The following LDLRAD4 variants were observed in gnomAD, a reference collection of about 807,000 sequenced individuals.
LDLRAD4 encodes low-density lipoprotein receptor class A domain-containing protein 4.
In LDLRAD4, 5 loss-of-function variants were observed where a neutral mutation model predicts 17.0. That is an observed-to-expected ratio of 0.29 (90% CI 0.15 to 0.62). The LOEUF (loss-of-function observed/expected upper bound fraction) is 0.62. LDLRAD4 is among the 20% of genes least tolerant of loss of function. The pLI is 0.84. For synonymous variants in LDLRAD4, 168 were observed against 171.8 expected (o/e 0.98, Z 0.17); for missense variants, 340 against 424.7 (o/e 0.80, Z 1.75).
At chr18:13,264,858 G>A (rs1197182347) in intron 1 of LDLRAD4, among the ~76,000 whole-genome samples, 4 of 152,234 alleles carry the variant, frequency 2.6e-5, no homozygotes, top group South Asian at 4.1e-4. Flanking sequence ...AGCGTTTCAA[G>A]TACAGTCTTC....
At chr18:13,580,395 C>T (rs1177602991) in intron 3 of LDLRAD4, among the ~76,000 whole-genome samples, 3 of 152,244 alleles carry the variant, frequency 2.0e-5, no homozygotes, top group African/African-American at 7.2e-5. Context: ...ACTCCCTGGG[C>T]TCTCTGTGCC....
chr18:13,518,159 C>T lies in LDLRAD4; in HGVS notation c.181+79775C>T, dbSNP rs192356862. ...TCAAGATCTCCTCAAACATTGCCTC[C>T]GTCTTGGTCTCATTATCCTCCTCTT... On this transcript the variant is annotated intron_variant, in intron 3 of 5. Transcript: ENST00000359446. Among the ~76,000 whole-genome samples, 181 of 152,262 alleles carry T rather than the reference C, an allele frequency of 1.2e-3. 1 individual carries two copies. The highest frequency in any genetic ancestry group is 4.2e-3 in the African/African-American group (174 of 41,558).
intron 3 of LDLRAD4, chr18:13,515,562 G>A (rs1349366740): frequency 6.6e-6 from 1 of 152,204 alleles, no homozygotes; most frequent in Non-Finnish European, 1.5e-5. Flanking sequence ...CTGGTGAAAG[G>A]TTCCTGCTGT....
At chr18:13,515,528 A>C (rs946068468) in intron 3 of LDLRAD4, 12 of 152,248 alleles carry the variant, frequency 7.9e-5, no homozygotes, top group African/African-American at 2.9e-4. Context: ...CATGTAATGC[A>C]AGTGACTGAT....
rs182163938 is a variant in LDLRAD4 at position 13,307,825 on chromosome 18, G to A, written c.-383+29637G>A. ...CATTGAAAATGTGTGTTAATTGGCA[G>A]TTTATATTATCCGTAATGGTCAACA... On this transcript the variant is annotated intron_variant, in intron 1 of 5. Transcript: ENST00000359446. Among the ~76,000 whole-genome samples, 71 of 152,332 alleles carry A rather than the reference G, an allele frequency of 4.7e-4. 1 individual carries two copies. Among genetic ancestry groups the A allele is most frequent in the Admixed American group, 2.7e-3 (42 of 15,304 alleles).
At chr18:13,328,226 C>G (rs764182721) in intron 1 of LDLRAD4, among the ~76,000 whole-genome samples, 1 of 152,210 alleles carries the variant, frequency 6.6e-6, no homozygotes, top group Non-Finnish European at 1.5e-5. Flanking sequence ...CTCTGCTTCA[C>G]CTTTTGATGT....
intron 3 of LDLRAD4, among the ~76,000 whole-genome samples, chr18:13,604,915 CAT>C (rs2095205826): frequency 6.6e-6 from 1 of 152,120 alleles, no homozygotes; most frequent in Non-Finnish European, 1.5e-5. Flanking sequence ...AGGCAGGACA[CAT>C]GTGGCAGGAG....
chr18:13,361,393 G>A (rs1189246929), intron 1 of LDLRAD4, among the ~76,000 whole-genome samples: 2 of 152,186 alleles, frequency 1.3e-5, no homozygotes, highest in Non-Finnish European at 2.9e-5. Context: ...AGTAAGGGAT[G>A]TTGGATTGGA....
intron 3 of LDLRAD4, among the ~76,000 whole-genome samples, chr18:13,510,887 G>T (rs1452628353): frequency 6.6e-6 from 1 of 152,188 alleles, no homozygotes; most frequent in Non-Finnish European, 1.5e-5. Context: ...CTGGGGTGAG[G>T]AGTGAGAGGG....
At chr18:13,649,288 A>C (rs2043142988) in exon 6 of LDLRAD4, 1 of 152,220 alleles carries the variant, frequency 6.6e-6, no homozygotes, top group South Asian at 2.1e-4. Context: ...CTTCATAAGA[A>C]TGAGAAAGGC....
chr18:13,555,765 AAAG>A (rs2094476962), intron 3 of LDLRAD4, among the ~76,000 whole-genome samples: 1 of 152,228 alleles, frequency 6.6e-6, no homozygotes, highest in South Asian at 2.1e-4. Flanking sequence ...CTGCAGATGG[AAAG>A]AAGTTTATAA....
At chr18:13,321,616 A>G (rs2081222920) in intron 1 of LDLRAD4, among the ~76,000 whole-genome samples, 1 of 152,184 alleles carries the variant, frequency 6.6e-6, no homozygotes, top group African/African-American at 2.4e-5. Context: ...CTGTAATCCC[A>G]GCACTTTGGG....
At chr18:13,358,477 G>A (rs928185667) in intron 1 of LDLRAD4, among the ~76,000 whole-genome samples, 1 of 152,098 alleles carries the variant, frequency 6.6e-6, no homozygotes, top group Non-Finnish European at 1.5e-5. Context: ...CACTGAGAAT[G>A]CTAATTTTCA....
At chr18:13,561,506 G>A (rs561495815) in intron 3 of LDLRAD4, 1 of 152,198 alleles carries the variant, frequency 6.6e-6, no homozygotes, top group African/African-American at 2.4e-5. Flanking sequence ...GAAAATAAAT[G>A]GTTTCTGCTG....
chr18:13,426,993 G>A (rs2089986500), intron 2 of LDLRAD4, among the ~76,000 whole-genome samples: 1 of 152,048 alleles, frequency 6.6e-6, no homozygotes, highest in Non-Finnish European at 1.5e-5. Context: ...AGACCATCCT[G>A]GCCAACATGG....
At chr18:13,445,005 AAACCAACCAAAGTAG>A (rs2146275833) in intron 3 of LDLRAD4, among the ~76,000 whole-genome samples, 1 of 152,338 alleles carries the variant, frequency 6.6e-6, no homozygotes, top group South Asian at 2.1e-4. Context: ...ATAAACACCC[AAACCAACCAAAGTAG>A]AAGCCTACTC....
intron 3 of LDLRAD4, among the ~76,000 whole-genome samples, chr18:13,548,144 A>T (rs141720351): frequency 1.3e-4 from 20 of 152,272 alleles, no homozygotes; most frequent in African/African-American, 4.1e-4. Context: ...CAGGCAGGTC[A>T]TCTTGTCATC....
chr18:13,312,668 G>C (rs779800069), intron 1 of LDLRAD4, among the ~76,000 whole-genome samples: 18 of 152,152 alleles, frequency 1.2e-4, no homozygotes, highest in Non-Finnish European at 2.5e-4. Flanking sequence ...CTTGAGTCTA[G>C]AAGTTCCAGA....
chr18:13,493,173 T>C (rs2093394034), intron 3 of LDLRAD4, among the ~76,000 whole-genome samples: 1 of 152,328 alleles, frequency 6.6e-6, no homozygotes, highest in Non-Finnish European at 1.5e-5. Flanking sequence ...CCTTGACATA[T>C]TGCCTACAGC....
Sources: allele counts gnomAD v4.1 joint callset (sites outside exome capture counted in the v4.1 genomes callset), GRCh38; gene constraint gnomAD v4.1.1; transcripts MANE v1.5; gene names NCBI Gene and HGNC (gene_info 2026-07-23, HGNC 2026-07-21).